Variants in FHAD1 observed in about 807,000 individuals in gnomAD.
FHAD1 encodes the protein forkhead-associated domain-containing protein 1.
Under a neutral mutation model 191.3 loss-of-function variants are expected in FHAD1, and 146 were observed. The ratio of observed to expected loss-of-function variants is 0.76; its 90% CI spans 0.67 to 0.88. FHAD1 has a LOEUF of 0.88. FHAD1 is among the 40% of genes least tolerant of loss of function. The pLI, the probability that FHAD1 is intolerant of heterozygous loss-of-function variation, is 0.00. For synonymous variants in FHAD1, 616 were observed against 672.3 expected (o/e 0.92, Z 1.29); for missense variants, 1,635 against 1,785.8 (o/e 0.92, Z 1.52).
chr1:15,391,297 T>C, intron 33 of FHAD1, 34 bp downstream of exon 33: 3 of 1,256,484 alleles, frequency 2.4e-6, no homozygotes, highest in Non-Finnish European at 3.1e-6. Context: ...GAATTCTCTT[T>C]TTTTGTTGTT....
intron 25 of FHAD1, among the ~76,000 whole-genome samples, chr1:15,368,089 A>G (rs867913617): frequency 6.6e-6 from 1 of 152,122 alleles, no homozygotes; most frequent in Non-Finnish European, 1.5e-5. Context: ...CTCTTGCCTC[A>G]GCCTCTGGAG....
intron 22 of FHAD1, among the ~76,000 whole-genome samples, chr1:15,362,268 T>C (rs1437972032): frequency 6.6e-6 from 1 of 151,150 alleles, no homozygotes; most frequent in African/African-American, 2.4e-5. Context: ...AAATGGGAGG[T>C]GAGGAGAGGA....
At position 15,270,257 on chromosome 1, in the gene FHAD1, G is replaced by T. The variant is rs2101178385; in HGVS notation, c.94-2066G>T. Among the ~76,000 whole-genome samples, 2 of 152,188 alleles carry T rather than the reference G, an allele frequency of 1.3e-5. 1 individual carries two copies. The highest frequency in any genetic ancestry group is 4.1e-4 in the South Asian group (2 of 4,820). Reference sequence around the variant, plus strand: ...GTTTTTCTTGTTCTGAAACTGCCTTGGCCGCAGTTAGTATAGCTACTTCAG... The same window carrying T: ...GTTTTTCTTGTTCTGAAACTGCCTTTGCCGCAGTTAGTATAGCTACTTCAG... On this transcript the variant is annotated intron_variant, in intron 2 of 33. Coordinates refer to ENST00000688493, the MANE Select transcript of FHAD1 (RefSeq NM_001391957.1).
At position 15,391,282 on chromosome 1, in the gene FHAD1, C is replaced by T. The variant is rs1444016605; in HGVS notation, c.4323+19C>T. 5 of 1,273,552 alleles carry T rather than the reference C, an allele frequency of 3.9e-6. No homozygotes were observed. The highest frequency in any genetic ancestry group is 2.2e-4 in the Middle Eastern group (1 of 4,642). The allele number at this position is 1,273,552 out of a possible 1,614,324, so 78.9% of individuals were successfully genotyped here. On this transcript the variant is annotated intron_variant, in intron 33 of 33. Coordinates refer to ENST00000688493, the MANE Select transcript of FHAD1 (RefSeq NM_001391957.1). ...TTCCCAGGTGAGCAGAAAGAGCATC[C>T]TTTAGAATTCTCTTTTTTTGTTGTT...
intron 16 of FHAD1, among the ~76,000 whole-genome samples, chr1:15,344,656 T>G (rs1688146108): frequency 6.6e-6 from 1 of 152,182 alleles, no homozygotes; most frequent in South Asian, 2.1e-4. Flanking sequence ...TGGGTCAGAG[T>G]TAGAATCCCT....
intron 4 of FHAD1, among the ~76,000 whole-genome samples, chr1:15,290,445 C>G (rs1664185047): frequency 6.6e-6 from 1 of 152,170 alleles, no homozygotes; most frequent in African/African-American, 2.4e-5. Flanking sequence ...GCCCCAGGCC[C>G]TTCGGAGTCC....
rs1678991144 is a variant in FHAD1 at position 15,327,054 on chromosome 1, T to A, written c.1474-5T>A. On this transcript the variant is annotated splice_polypyrimidine_tract_variant and splice_region_variant and intron_variant, in intron 11 of 33. Transcript: ENST00000688493. This position sits in a 1 kb window ranked among gnomAD's most constrained non-coding sequence, Gnocchi z 5.1. ...CCTGACACTGTTGCCCCCTCTCTGCTGCAGCTGGAGCACTTCAGAAGTCAA... is the reference window on the plus strand; with the variant it reads ...CCTGACACTGTTGCCCCCTCTCTGCAGCAGCTGGAGCACTTCAGAAGTCAA... 1 of 1,549,162 alleles carries A rather than the reference T, an allele frequency of 6.5e-7. No individual in the cohort carries two copies. Among genetic ancestry groups the A allele is most frequent in the African/African-American group, 1.4e-5 (1 of 73,034 alleles).
chr1:15,382,367 A>G (rs149501859), intron 31 of FHAD1, among the ~76,000 whole-genome samples, 174 bp downstream of exon 31: 252 of 152,314 alleles, frequency 1.7e-3, no homozygotes, highest in African/African-American at 5.7e-3. Flanking sequence ...CCAGAGCTCA[A>G]CCACTTGCTA....
chr1:15,261,239 G>A (rs1650896588), intron 2 of FHAD1, among the ~76,000 whole-genome samples: 1 of 152,168 alleles, frequency 6.6e-6, no homozygotes, highest in Admixed American at 6.5e-5. Context: ...AGATGAGGAA[G>A]TTGTGGCACA....
At chr1:15,343,607 G>C (rs904380189) in intron 16 of FHAD1, among the ~76,000 whole-genome samples, 1 of 151,986 alleles carries the variant, frequency 6.6e-6, no homozygotes, top group African/African-American at 2.4e-5. Flanking sequence ...TTCTGCATTT[G>C]CGAAATAAAA....
At chr1:15,344,570 AC>A (rs1248786598) in intron 16 of FHAD1, among the ~76,000 whole-genome samples, 2 of 152,256 alleles carry the variant, frequency 1.3e-5, no homozygotes, top group Non-Finnish European at 2.9e-5. Flanking sequence ...AACTTTATTT[AC>A]AAAAACAGAC....
chr1:15,389,856 G>A lies in FHAD1; in HGVS notation c.4270-1354G>A, dbSNP rs72879961. Among the ~76,000 whole-genome samples the A allele has an allele frequency of 6.6e-3, 1,005 of 152,266 alleles. 14 individuals carry two copies. The highest frequency in any genetic ancestry group is 0.023 in the African/African-American group (953 of 41,550). ...TAGTGTTAAGTATGTTCCAAATATT[G>A]CATGGGACATAGTTATACTTAAAAC... On this transcript the variant is annotated intron_variant, in intron 32 of 33. Transcript: ENST00000688493.
Position 15,273,911 on chromosome 1 carries a change from T to C in FHAD1, c.300+1382T>C, listed in dbSNP as rs572054276. Among the ~76,000 whole-genome samples, 3 of 152,150 alleles carry C rather than the reference T, an allele frequency of 2.0e-5. No homozygotes were observed. In the East Asian group the frequency reaches 5.8e-4, roughly 29 times the overall value. ...CTGTCTCCCTGTTGCCCTCTCACCCTAGCCTCTAACGACCACCGTTCTACT... is the reference window on the plus strand; with the variant it reads ...CTGTCTCCCTGTTGCCCTCTCACCCCAGCCTCTAACGACCACCGTTCTACT... On this transcript the variant is annotated intron_variant, in intron 3 of 33. Coordinates refer to ENST00000688493, the MANE Select transcript of FHAD1 (RefSeq NM_001391957.1).
intron 6 of FHAD1, among the ~76,000 whole-genome samples, chr1:15,305,040 T>C (rs1461940459): frequency 6.6e-6 from 1 of 152,182 alleles, no homozygotes; most frequent in African/African-American, 2.4e-5. Flanking sequence ...TGCACTCCTC[T>C]TAATAACAAT....
chr1:15,401,838 T>C (rs150672885), downstream of FHAD1, among the ~76,000 whole-genome samples: 922 of 152,324 alleles, frequency 6.1e-3, 4 homozygotes, highest in Non-Finnish European at 0.01. Flanking sequence ...CTTGGCCTCA[T>C]TTCCGTCAGG....
At chr1:15,243,479 C>T (rs571016730), upstream of FHAD1, among the ~76,000 whole-genome samples, 6 of 152,174 alleles carry the variant, frequency 3.9e-5, no homozygotes, top group Non-Finnish European at 5.9e-5. Flanking sequence ...CTCTCCTGGC[C>T]GCGGCTGGGG....
intron 4 of FHAD1, among the ~76,000 whole-genome samples, chr1:15,291,641 G>A (rs982014549): frequency 9.2e-5 from 14 of 152,084 alleles, no homozygotes; most frequent in African/African-American, 2.9e-4. Flanking sequence ...AACCCTATGC[G>A]TTATCTTACA....
intron 3 of FHAD1, chr1:15,286,966 G>C (rs1406394467): frequency 6.6e-6 from 1 of 152,216 alleles, no homozygotes; most frequent in Non-Finnish European, 1.5e-5. Context: ...GGAGTAAAAC[G>C]CATTGGAGTT....
At chr1:15,239,968 C>T (rs1427286864) in intron 1 of FHAD1, among the ~76,000 whole-genome samples, 1 of 152,226 alleles carries the variant, frequency 6.6e-6, no homozygotes. Flanking sequence ...TGCATACCAA[C>T]GGACATACAC....
Sources: allele counts gnomAD v4.1 joint callset (sites outside exome capture counted in the v4.1 genomes callset), GRCh38; gene constraint gnomAD v4.1.1; non-coding constraint Gnocchi (gnomAD v3.1); transcripts MANE v1.5; gene names NCBI Gene and HGNC (gene_info 2026-07-23, HGNC 2026-07-21).